Variants in TENT5D observed in about 807,000 individuals in gnomAD.
TENT5D encodes cancer/testis antigen 112.
For missense variants in TENT5D, 191 were observed against 287.0 expected (o/e 0.67, Z 2.42); for synonymous variants, 103 against 100.6 (o/e 1.02, Z -0.15).
intron 3 of TENT5D, among the ~76,000 whole-genome samples, chrX:80,357,922 A>C (rs1930322160): frequency 8.9e-6 from 1 of 111,786 alleles, no homozygotes; most frequent in African/African-American, 3.3e-5. Flanking sequence ...CTATACTACA[A>C]GGCTACAGTA....
At chrX:80,358,176 A>G (rs1440883354) in intron 3 of TENT5D, among the ~76,000 whole-genome samples, 1 of 111,787 alleles carries the variant, frequency 8.9e-6, no homozygotes, top group Admixed American at 9.5e-5. Context: ...AAGATGGATT[A>G]AAGACTTCAA....
At chrX:80,419,513 C>A (rs1389151216), upstream of TENT5D, among the ~76,000 whole-genome samples, 1 of 111,980 alleles carries the variant, frequency 8.9e-6, no homozygotes, top group East Asian at 2.8e-4. Flanking sequence ...CTTAGCCAGA[C>A]AATTTTCTTC....
intron 1 of TENT5D, among the ~76,000 whole-genome samples, chrX:80,426,974 G>A (rs1024798695): frequency 2.1e-4 from 23 of 110,970 alleles, no homozygotes; most frequent in African/African-American, 7.2e-4. Flanking sequence ...GGTTTATCAG[G>A]GGTTTCCACT....
intron 1 of TENT5D, among the ~76,000 whole-genome samples, chrX:80,433,978 T>TA (rs967627940): frequency 8.4e-5 from 9 of 106,873 alleles, no homozygotes; most frequent in African/African-American, 1.0e-4. Flanking sequence ...CTACTAAAAA[T>TA]AAAAAAAAAT....
intron 3 of TENT5D, among the ~76,000 whole-genome samples, chrX:80,415,428 C>T (rs1406745639): frequency 9.0e-6 from 1 of 111,535 alleles, no homozygotes; most frequent in Non-Finnish European, 1.9e-5. Context: ...GTATGATTGG[C>T]TTTGGGTTTG....
chrX:80,336,645 T>C (rs1929857120), intron 2 of TENT5D, among the ~76,000 whole-genome samples: 1 of 110,707 alleles, frequency 9.0e-6, no homozygotes, highest in Non-Finnish European at 1.9e-5. Context: ...AGTATTTTTT[T>C]AACACAGCTA....
intron 3 of TENT5D, among the ~76,000 whole-genome samples, chrX:80,398,437 T>C (rs1425003530): frequency 1.8e-5 from 2 of 112,265 alleles, no homozygotes; most frequent in East Asian, 5.6e-4. Flanking sequence ...TTTATTTGCT[T>C]TTGTTACCTG....
chrX:80,359,515 C>A (rs1930362551), intron 3 of TENT5D, among the ~76,000 whole-genome samples: 1 of 111,302 alleles, frequency 9.0e-6, no homozygotes, highest in Non-Finnish European at 1.9e-5. Context: ...AAACCATAAT[C>A]CTCAGCAAAC....
chrX:80,342,340 T>A (rs1036179057), intron 2 of TENT5D, among the ~76,000 whole-genome samples: 1 of 111,590 alleles, frequency 9.0e-6, no homozygotes, highest in Non-Finnish European at 1.9e-5. Flanking sequence ...CATAAATGAT[T>A]GTGTGTCTAA....
chrX:80,375,410 T>C (rs1230174174), intron 3 of TENT5D, among the ~76,000 whole-genome samples: 4 of 111,195 alleles, frequency 3.6e-5, no homozygotes. Context: ...CCTTATTTTT[T>C]TGTGGTCCCT....
chrX:80,427,948 C>T (rs995338843), intron 1 of TENT5D, among the ~76,000 whole-genome samples: 1 of 111,717 alleles, frequency 9.0e-6, no homozygotes, highest in African/African-American at 3.3e-5. Context: ...TGAGAAAAAA[C>T]GTTTTCCAGA....
intron 2 of TENT5D, among the ~76,000 whole-genome samples, chrX:80,337,275 C>T (rs1929870288): frequency 9.0e-6 from 1 of 111,448 alleles, no homozygotes; most frequent in South Asian, 3.7e-4. Flanking sequence ...AGCAATATTA[C>T]AAATATATAC....
intron 3 of TENT5D, among the ~76,000 whole-genome samples, chrX:80,415,229 A>G (rs1168921646): frequency 8.9e-6 from 1 of 111,826 alleles, no homozygotes; most frequent in Non-Finnish European, 1.9e-5. Flanking sequence ...GAATAATATA[A>G]TCAACAATCA....
intron 1 of TENT5D, among the ~76,000 whole-genome samples, chrX:80,437,837 T>C (rs929387572): frequency 1.2e-4 from 13 of 111,356 alleles, no homozygotes; most frequent in African/African-American, 3.9e-4. Context: ...TGTTTGTCTA[T>C]AGGTACGTAT....
At chrX:80,353,032 G>A (rs1313017117) in intron 3 of TENT5D, among the ~76,000 whole-genome samples, 3 of 111,932 alleles carry the variant, frequency 2.7e-5, no homozygotes, top group Non-Finnish European at 5.6e-5. Context: ...CCAATGAGAT[G>A]AACAGGCTAC....
At chrX:80,339,728 G>GA (rs943171048) in intron 2 of TENT5D, among the ~76,000 whole-genome samples, 6 of 106,705 alleles carry the variant, frequency 5.6e-5, no homozygotes, top group South Asian at 8.0e-4. Flanking sequence ...AGAATAAAAT[G>GA]AAAAAAAAAG....
chrX:80,427,298 TA>T (rs1431901623), intron 1 of TENT5D, among the ~76,000 whole-genome samples: 7 of 111,753 alleles, frequency 6.3e-5, no homozygotes, highest in Non-Finnish European at 1.1e-4. Flanking sequence ...GTTACTTTCA[TA>T]TGTCCCCAGA....
chrX:80,361,719 G>C (rs1930408145), intron 3 of TENT5D, among the ~76,000 whole-genome samples: 1 of 112,095 alleles, frequency 8.9e-6, no homozygotes, highest in South Asian at 3.7e-4. Flanking sequence ...AGTTGCATCA[G>C]ATGCTTTTAA....
intron 3 of TENT5D, among the ~76,000 whole-genome samples, chrX:80,411,697 G>A (rs1431604476): frequency 9.0e-6 from 1 of 111,144 alleles, no homozygotes; most frequent in Admixed American, 9.5e-5. Flanking sequence ...AAAAAAAATT[G>A]GAAATGACCC....
Sources: allele counts gnomAD v4.1 joint callset (sites outside exome capture counted in the v4.1 genomes callset), GRCh38; gene constraint gnomAD v4.1.1; transcripts MANE v1.5; gene names NCBI Gene and HGNC (gene_info 2026-07-23, HGNC 2026-07-21).